UBE2E2: variants seen among roughly 807,000 people sequenced by gnomAD.
The protein encoded by UBE2E2 is ubiquitin conjugating enzyme E2 E2, also known as ubiquitin-conjugating enzyme E2 E2.
A neutral mutation model predicts 24.7 loss-of-function variants in UBE2E2; 6 were observed. The ratio of observed to expected loss-of-function variants is 0.24; its 90% CI spans 0.13 to 0.48. The LOEUF is 0.48. UBE2E2 is among the 20% of genes least tolerant of loss of function. The pLI is 0.99. For missense variants in UBE2E2, 169 were observed against 245.0 expected, an observed-to-expected ratio of 0.69 and a Z score of 2.07; for synonymous variants, 104 against 83.6, an observed-to-expected ratio of 1.24 and a Z score of -1.33.
chr3:23,528,753 G>T (rs975027846), intron 4 of UBE2E2, among the ~76,000 whole-genome samples: 17 of 152,158 alleles, frequency 1.1e-4, no homozygotes, highest in Admixed American at 7.2e-4. Context: ...CAGGTTAACT[G>T]GCAGAGTGAG....
chr3:23,332,133 A>G (rs1426256375), intron 3 of UBE2E2, among the ~76,000 whole-genome samples: 1 of 151,980 alleles, frequency 6.6e-6, no homozygotes, highest in Non-Finnish European at 1.5e-5. Flanking sequence ...TCAGTGCTTT[A>G]TTATTTATAT....
chr3:23,253,984 A>G (rs1033125772), intron 3 of UBE2E2, among the ~76,000 whole-genome samples: 4 of 152,220 alleles, frequency 2.6e-5, no homozygotes, highest in Non-Finnish European at 5.9e-5. Context: ...TTGTGATTTT[A>G]AGAAAATTTA....
In UBE2E2 at chr3:23,571,280, CTTTTTTT is replaced by C. The variant is rs59243406; in HGVS notation, c.509-18433_509-18427del. Among the ~76,000 whole-genome samples the C allele has an allele frequency of 3.4e-3, 102 of 29,880 alleles. 1 individual carries two copies. Among genetic ancestry groups the C allele is most frequent in the African/African-American group, 6.7e-3 (65 of 9,718 alleles). The allele number at this position is 29,880 out of a possible 152,430, so 19.6% of individuals were successfully genotyped here. A position where few individuals can be genotyped will look rare whatever the true frequency, so the allele number is the denominator to read the frequency against. ...AGTCCCCTCACCTGTGTGCTCCTTT[CTTTTTTT>C]TTTTTTTTTTTTTTTTTTTTGAGAC... On this transcript the variant is annotated intron_variant, in intron 5 of 5. Transcript: ENST00000396703.
At chr3:23,520,101 A>AT (rs1332628157) in intron 4 of UBE2E2, among the ~76,000 whole-genome samples, 2 of 148,768 alleles carry the variant, frequency 1.3e-5, no homozygotes, top group African/African-American at 5.0e-5. Context: ...TTTCTTTATT[A>AT]TTTTTTTCTG....
intron 2 of UBE2E2, among the ~76,000 whole-genome samples, chr3:23,213,180 A>G (rs976081675): frequency 2.0e-5 from 3 of 152,110 alleles, no homozygotes; most frequent in African/African-American, 7.2e-5. Context: ...CCACACATTC[A>G]TGTTCTACTT....
chr3:23,296,661 G>A (rs1407184332), intron 3 of UBE2E2, among the ~76,000 whole-genome samples: 1 of 152,130 alleles, frequency 6.6e-6, no homozygotes, highest in Non-Finnish European at 1.5e-5. Flanking sequence ...TGGCTGCATA[G>A]TATTCCATGG....
chr3:23,224,173 T>C (rs2125327099), intron 3 of UBE2E2, among the ~76,000 whole-genome samples: 1 of 150,248 alleles, frequency 6.7e-6, no homozygotes, highest in East Asian at 1.9e-4. Context: ...TTTTTTTTTT[T>C]TTTTTTTACT....
chr3:23,449,372 A>G (rs755368853), intron 3 of UBE2E2, among the ~76,000 whole-genome samples: 1 of 152,226 alleles, frequency 6.6e-6, no homozygotes, highest in Non-Finnish European at 1.5e-5. Context: ...TTTTAGTACC[A>G]AATCTCAGAA....
chr3:23,257,146 G>C (rs1697748003), intron 3 of UBE2E2, among the ~76,000 whole-genome samples: 1 of 152,196 alleles, frequency 6.6e-6, no homozygotes, highest in South Asian at 2.1e-4. Context: ...CTGAACCACA[G>C]CTCTTCTGTG....
At chr3:23,297,451 T>G (rs1698944248) in intron 3 of UBE2E2, among the ~76,000 whole-genome samples, 1 of 152,152 alleles carries the variant, frequency 6.6e-6, no homozygotes, top group African/African-American at 2.4e-5. Flanking sequence ...AGGTCTAACG[T>G]TTAAGTCTTT....
At chr3:23,219,835 G>A (rs1035346446) in intron 3 of UBE2E2, among the ~76,000 whole-genome samples, 1 of 152,168 alleles carries the variant, frequency 6.6e-6, no homozygotes, top group Non-Finnish European at 1.5e-5. Flanking sequence ...TAGTCAGAGA[G>A]TGGAGAACGA....
intron 3 of UBE2E2, among the ~76,000 whole-genome samples, chr3:23,442,064 T>C (rs188710984): frequency 3.3e-5 from 5 of 152,312 alleles, no homozygotes; most frequent in Admixed American, 2.0e-4. Flanking sequence ...TTTGGACTTA[T>C]GTGGCCTGTG....
intron 3 of UBE2E2, among the ~76,000 whole-genome samples, chr3:23,261,135 T>C (rs1697891490): frequency 2.6e-5 from 4 of 151,094 alleles, no homozygotes; most frequent in Admixed American, 2.6e-4. Flanking sequence ...AGAAAAGTAA[T>C]GGAACTCAGT....
In UBE2E2 at chr3:23,544,861, G is replaced by A. The variant is rs1215967052; in HGVS notation, c.508+12160G>A. ...ATTGATCATTTGTGGGTGTTTCTCC[G>A]AGAGGGGGATGTGTCAGGGTCACAA... On this transcript the variant is annotated intron_variant, in intron 5 of 5. Coordinates refer to ENST00000396703, the MANE Select transcript of UBE2E2 (RefSeq NM_152653.4). 1.4e-4 allele frequency among the ~76,000 whole-genome samples: 21 copies of A among 152,062 alleles called. 2 individuals are homozygous for A. Among genetic ancestry groups the A allele is most frequent in the African/African-American group, 4.8e-4 (20 of 41,510 alleles).
chr3:23,234,318 C>G (rs1050371404), intron 3 of UBE2E2, among the ~76,000 whole-genome samples: 1 of 151,906 alleles, frequency 6.6e-6, no homozygotes, highest in African/African-American at 2.4e-5. Flanking sequence ...GCTGGGGACT[C>G]CTGACTGGAC....
At chr3:23,431,548 TG>T (rs2125400795) in intron 3 of UBE2E2, among the ~76,000 whole-genome samples, 1 of 152,358 alleles carries the variant, frequency 6.6e-6, no homozygotes, top group South Asian at 2.1e-4. Flanking sequence ...ATATGTCAGC[TG>T]TTAATTTTCT....
intron 3 of UBE2E2, among the ~76,000 whole-genome samples, chr3:23,291,408 C>T (rs886750271): frequency 2.6e-5 from 4 of 152,168 alleles, no homozygotes; most frequent in African/African-American, 7.2e-5. Context: ...AAATCTTTAT[C>T]TGTCTTTTCA....
In UBE2E2 at chr3:23,340,288, A is replaced by T. The variant is rs73823457; in HGVS notation, c.227+122976A>T. Among the ~76,000 whole-genome samples the T allele has an allele frequency of 5.1e-3, 776 of 152,278 alleles. 9 individuals are homozygous for T. Among genetic ancestry groups the T allele is most frequent in the African/African-American group, 0.018 (743 of 41,572 alleles). ...ACAGTTTTTAACATTTATTTACATTAAATTTTTAGCTAAAATACAGAGTAT... is the reference window on the plus strand; with the variant it reads ...ACAGTTTTTAACATTTATTTACATTTAATTTTTAGCTAAAATACAGAGTAT... On this transcript the variant is annotated intron_variant, in intron 3 of 5. Transcript: ENST00000396703.
At chr3:23,344,907 T>G (rs1357305062) in intron 3 of UBE2E2, among the ~76,000 whole-genome samples, 1 of 152,154 alleles carries the variant, frequency 6.6e-6, no homozygotes, top group Non-Finnish European at 1.5e-5. Flanking sequence ...GAAAGATTTT[T>G]TTTTTGAAAA....
Sources: gnomAD v4.1 joint callset for allele counts (sites outside exome capture counted in the v4.1 genomes callset) on GRCh38, gnomAD v4.1.1 for gene constraint, MANE v1.5 for transcripts, NCBI Gene and HGNC (gene_info 2026-07-23, HGNC 2026-07-21) for gene names.